The following FCHO1 variants were observed in gnomAD, a reference collection of about 807,000 sequenced individuals.
FCHO1 encodes the protein FCH and mu domain containing endocytic adaptor 1, also known as F-BAR domain only protein 1.
A neutral mutation model predicts 114.4 loss-of-function variants in FCHO1; 45 were observed. That is an observed-to-expected ratio of 0.39 (90% CI 0.31 to 0.50). The LOEUF is 0.50. FCHO1 is among the 20% of genes least tolerant of loss of function. The pLI is 0.77. For synonymous variants in FCHO1, 480 were observed against 488.9 expected, an observed-to-expected ratio of 0.98 and a Z score of 0.24; for missense variants, 1,042 against 1,209.6, an observed-to-expected ratio of 0.86 and a Z score of 2.06.
At chr19:17,780,320 C>T (rs1297304187) in intron 20 of FCHO1, among the ~76,000 whole-genome samples, 1 of 152,052 alleles carries the variant, frequency 6.6e-6, no homozygotes, top group African/African-American at 2.4e-5. Context: ...CGTACCGCCA[C>T]ACGTGGCTAA....
At chr19:17,781,052 G>T (rs530860974) in intron 20 of FCHO1, among the ~76,000 whole-genome samples, 179 bp from the exon 21 acceptor site, 1 of 152,342 alleles carries the variant, frequency 6.6e-6, no homozygotes, top group African/African-American at 2.4e-5. Context: ...AGGGTTGGGG[G>T]TGTGGACAGT....
upstream of FCHO1, among the ~76,000 whole-genome samples, chr19:17,748,020 C>A (rs1242951365): frequency 1.3e-5 from 2 of 152,188 alleles, no homozygotes; most frequent in Non-Finnish European, 2.9e-5. Flanking sequence ...AAATGGGGAC[C>A]GCTCCCCAAA....
At chr19:17,771,100 A>C (rs1357623051) in intron 9 of FCHO1, among the ~76,000 whole-genome samples, 2 of 152,050 alleles carry the variant, frequency 1.3e-5, no homozygotes, top group African/African-American at 4.8e-5. Context: ...CTAAAAATAC[A>C]AAATTAGCCG....
Position 17,779,911 on chromosome 19 carries a change from G to A in FCHO1, c.1627+1027G>A, listed in dbSNP as rs539396426. ...AGGGAGAGCAGAGGAGAGGACAGCC[G>A]GGGAGCCCAGAGGGGTTGGAGACAG... On this transcript the variant is annotated intron_variant, in intron 20 of 28. Coordinates refer to ENST00000596536, the MANE Select transcript of FCHO1 (RefSeq NM_015122.3). Among the ~76,000 whole-genome samples, 115 of 152,060 alleles carry A rather than the reference G, an allele frequency of 7.6e-4. 1 individual carries two copies. The highest frequency in any genetic ancestry group is 2.7e-3 in the African/African-American group (114 of 41,474).
intron 9 of FCHO1, among the ~76,000 whole-genome samples, chr19:17,771,352 T>G (rs1214994980): frequency 2.2e-5 from 3 of 137,630 alleles, no homozygotes; most frequent in African/African-American, 5.4e-5. Context: ...AACCGACAGG[T>G]GTATATAAAA....
At chr19:17,779,723 A>C (rs1191651511) in intron 20 of FCHO1, among the ~76,000 whole-genome samples, 2 of 17,356 alleles carry the variant, frequency 1.2e-4, no homozygotes, top group Non-Finnish European at 2.5e-4. Context: ...GGCGGAGACA[A>C]GGGAGGGAGG....
intron 6 of FCHO1, among the ~76,000 whole-genome samples, chr19:17,765,373 CTT>C (rs2088484120): frequency 6.6e-6 from 1 of 152,026 alleles, no homozygotes; most frequent in African/African-American, 2.4e-5. Flanking sequence ...ACACAAATGA[CTT>C]TGCATGAACC....
At chr19:17,766,547 G>A (rs1406085157) in intron 6 of FCHO1, 122 bp from the exon 7 acceptor site, 4 of 1,279,204 alleles carry the variant, frequency 3.1e-6, no homozygotes, top group Non-Finnish European at 4.3e-6. Flanking sequence ...GAGATTATAT[G>A]AATTAGTATT....
At position 17,770,592 on chromosome 19, in the gene FCHO1, G is replaced by T. The variant is rs914852424; in HGVS notation, c.489+15G>T. 1.2e-5 allele frequency: 20 copies of T among 1,606,916 alleles called. No homozygotes were observed. Among genetic ancestry groups the T allele is most frequent in the East Asian group, 2.2e-5 (1 of 44,716 alleles). ...AGATGGACAAGGTGGGCTCACAGTGGGGGGGTTCTGAGGAATTTGCCGCGG... is the reference window on the plus strand; with the variant it reads ...AGATGGACAAGGTGGGCTCACAGTGTGGGGGTTCTGAGGAATTTGCCGCGG... On this transcript the variant is annotated intron_variant, in intron 8 of 28. Coordinates refer to ENST00000596536, the MANE Select transcript of FCHO1 (RefSeq NM_015122.3).
At chr19:17,783,375 C>G in intron 24 of FCHO1, among the ~76,000 whole-genome samples, 1 of 150,726 alleles carries the variant, frequency 6.6e-6, no homozygotes, top group African/African-American at 2.4e-5. Context: ...AAGCAATTCT[C>G]CTGCCTCAGC....
chr19:17,784,673 C>T lies in FCHO1; in HGVS notation c.2227-52C>T. 6.4e-7 allele frequency: 1 copy of T among 1,565,656 alleles called. No homozygotes were observed. Among genetic ancestry groups the T allele is most frequent in the African/African-American group, 1.3e-5 (1 of 74,112 alleles). On this transcript the variant is annotated intron_variant, in intron 25 of 28. Transcript: ENST00000596536. This position sits in a 1 kb window ranked among gnomAD's most constrained non-coding sequence, Gnocchi z 5.3. Reference sequence around the variant, plus strand: ...GGTGGTTGAATAGCGCATGGTGTGGCAAGACAGGATGGCCCAAGCTGTGTC... The same window carrying T: ...GGTGGTTGAATAGCGCATGGTGTGGTAAGACAGGATGGCCCAAGCTGTGTC...
chr19:17,766,219 C>G (rs1183470887), intron 6 of FCHO1, among the ~76,000 whole-genome samples: 1 of 149,546 alleles, frequency 6.7e-6, no homozygotes, highest in Non-Finnish European at 1.5e-5. Context: ...CTGTGTCACC[C>G]AGGCTGGAGT....
In FCHO1 at chr19:17,775,215, G is replaced by T. The variant is rs1320629017; in HGVS notation, c.945+135G>T. 16 of 1,023,820 alleles carry T rather than the reference G, an allele frequency of 1.6e-5. No individual in the cohort carries two copies. The highest frequency in any genetic ancestry group is 2.4e-5 in the Admixed American group (1 of 41,490). The allele number at this position is 1,023,820 out of a possible 1,614,324, so 63.4% of individuals were successfully genotyped here. On this transcript the variant is annotated intron_variant, in intron 14 of 28. Transcript: ENST00000596536. This position sits in a 1 kb window ranked among gnomAD's most constrained non-coding sequence, Gnocchi z 5.1. ...GGGCGGGCTGGAGCCTGGGGGCTGG[G>T]TTCATATCCCACCTCAGCTGCAAAG... is the stretch of plus-strand genomic sequence containing the variant.
rs774580596 is a variant in FCHO1, at chr19:17,764,398, C to G, written c.143C>G (p.Ser48Trp). The G allele has an allele frequency of 5.6e-6, 9 of 1,613,674 alleles. No individual in the cohort carries two copies. The highest frequency in any genetic ancestry group is 7.6e-6 in the Non-Finnish European group (9 of 1,179,952). ...RERATIEETY[S>W]KAMAKLSKLA... ...AGGGCCACCATCGAGGAGACCTACT[C>G]GAAGGCGATGGCGAAACTCTCCAAG... Residue 48 changes from serine (S) to tryptophan (W), a missense_variant, in exon 6 of 29, where the codon TCG (serine) becomes TGG (tryptophan). Ser to Trp is a radical substitution (Grantham distance 177). This residue lies in a region of FCHO1 where 450 missense variants were observed against 564.1 expected (regional missense o/e 0.80). Coordinates refer to ENST00000596536, the MANE Select transcript of FCHO1 (RefSeq NM_015122.3).
chr19:17,766,114 T>C (rs564770209), intron 6 of FCHO1, among the ~76,000 whole-genome samples: 1 of 151,312 alleles, frequency 6.6e-6, no homozygotes, highest in African/African-American at 2.4e-5. Context: ...GCTCTCTCAA[T>C]CTCCTGACCT....
chr19:17,778,135 A>G lies in FCHO1; in HGVS notation c.1260-2A>G. 6.2e-7 allele frequency: 1 copy of G among 1,609,078 alleles called. No homozygotes were observed. Among genetic ancestry groups the G allele is most frequent in the Non-Finnish European group, 8.5e-7 (1 of 1,175,730 alleles). The stretch of plus-strand genomic sequence containing the variant: ...CAGCCCTCTTGGCCTCACCCTCTCT[A>G]GCTGTGCAGAGAGATTGCAGTCAGA... On this transcript the variant is annotated splice_acceptor_variant, in intron 18 of 28. Transcript: ENST00000596536. LOFTEE classifies it high-confidence loss of function.
At position 17,770,537 on chromosome 19, in the gene FCHO1, G is replaced by A. The variant is rs777535869; in HGVS notation, c.449G>A (p.Arg150Gln). The A allele has an allele frequency of 8.7e-6, 14 of 1,613,466 alleles. No individual in the cohort carries two copies. Among genetic ancestry groups the A allele is most frequent in the African/African-American group, 6.7e-5 (5 of 74,932 alleles). Residue 150 changes from arginine to glutamine, a missense_variant, in exon 8 of 29, where the codon CGG becomes CAG. Arg to Gln is a conservative substitution (Grantham distance 43). Around this residue, in one of 3 missense-constraint regions of FCHO1, gnomAD observed 450 missense variants for 564.1 expected, o/e 0.80. Transcript: ENST00000596536. Reference sequence around the variant, plus strand: ...CTGAACCGTTGCATGGACCAGGAGCGGCTGCGGAGGGAGAGTACCAGCCAG... The same window carrying A: ...CTGAACCGTTGCATGGACCAGGAGCAGCTGCGGAGGGAGAGTACCAGCCAG... ...NYLNRCMDQE[R>Q]LRRESTSQKE...
chr19:17,782,543 C>A (rs932578590), intron 23 of FCHO1, among the ~76,000 whole-genome samples: 2 of 152,114 alleles, frequency 1.3e-5, no homozygotes, highest in African/African-American at 2.4e-5. Flanking sequence ...TTGCTGTAGA[C>A]GCCAAGGCTG....
intron 18 of FCHO1, 136 bp from the exon 19 acceptor site, chr19:17,778,001 T>A: frequency 1.6e-6 from 1 of 617,222 alleles, no homozygotes; most frequent in South Asian, 1.9e-5. Flanking sequence ...ATCGTGCCAC[T>A]GCACTGCAGC....
Sources: allele counts gnomAD v4.1 joint callset (sites outside exome capture counted in the v4.1 genomes callset), GRCh38; gene constraint gnomAD v4.1.1; regional missense constraint gnomAD v4.1.1; non-coding constraint Gnocchi (gnomAD v3.1); transcripts MANE v1.5; gene names NCBI Gene and HGNC (gene_info 2026-07-23, HGNC 2026-07-21).